Variants in C1orf87 observed in about 807,000 individuals in gnomAD.
The protein encoded by C1orf87 is chromosome 1 open reading frame 87.
A neutral mutation model predicts 60.5 loss-of-function variants in C1orf87; 58 were observed. The observed-to-expected ratio is 0.96, with a 90% CI of 0.78 to 1.19. The LOEUF (loss-of-function observed/expected upper bound fraction) is 1.19. Among genes scored for constraint, C1orf87 ranks in the 50% most tolerant of loss-of-function variants. The probability of loss-of-function intolerance (pLI) is 0.00; values close to 1 mark genes in which losing one functional copy is unlikely to be tolerated. For missense variants in C1orf87, 673 were observed against 638.6 expected, an observed-to-expected ratio of 1.05 and a Z score of -0.58; for synonymous variants, 236 against 227.4, an observed-to-expected ratio of 1.04 and a Z score of -0.34.
intron 8 of C1orf87, 27 bp from the exon 9 acceptor site, chr1:60,010,483 G>T (rs780854056): frequency 6.3e-7 from 1 of 1,595,898 alleles, no homozygotes; most frequent in Non-Finnish European, 8.6e-7. Flanking sequence ...AACATAAATT[G>T]GTGATCAATA....
intron 3 of C1orf87, among the ~76,000 whole-genome samples, chr1:60,047,732 C>A (rs199980285): frequency 2.1e-4 from 31 of 145,758 alleles, no homozygotes; most frequent in Admixed American, 4.8e-4. Context: ...ATAGCAAGTC[C>A]AAAAAAAAAA....
intron 6 of C1orf87, among the ~76,000 whole-genome samples, chr1:60,034,107 CCTGGGAGGAAA>C (rs1645258467): frequency 6.6e-6 from 1 of 152,174 alleles, no homozygotes; most frequent in Non-Finnish European, 1.5e-5. Context: ...AGCCTAGTTC[CCTGGGAGGAAA>C]TCCTGAACCA....
chr1:60,072,424 G>A (rs1645590104), intron 2 of C1orf87, 113 bp downstream of exon 2: 1 of 730,012 alleles, frequency 1.4e-6, no homozygotes, highest in Non-Finnish European at 2.2e-6. Flanking sequence ...GCATCTTAAT[G>A]ACTTCGTTTT....
intron 2 of C1orf87, among the ~76,000 whole-genome samples, chr1:60,066,976 G>A (rs1173109815): frequency 6.6e-6 from 1 of 152,064 alleles, no homozygotes; most frequent in Non-Finnish European, 1.5e-5. Flanking sequence ...ATGGTTTCCA[G>A]CTTCATCCAT....
chr1:60,070,406 T>A (rs1645576529), intron 2 of C1orf87, among the ~76,000 whole-genome samples: 1 of 152,186 alleles, frequency 6.6e-6, no homozygotes, highest in South Asian at 2.1e-4. Context: ...TATTAATGGA[T>A]TCAACTTATT....
chr1:59,995,575 T>G (rs1458027870), intron 11 of C1orf87, among the ~76,000 whole-genome samples: 1 of 152,208 alleles, frequency 6.6e-6, no homozygotes, highest in Non-Finnish European at 1.5e-5. Flanking sequence ...GACTTCAAAC[T>G]CGGGATGACC....
chr1:60,055,671 A>T lies in C1orf87; in HGVS notation c.108-233T>A, dbSNP rs537280878. Among the ~76,000 whole-genome samples the T allele has an allele frequency of 1.1e-3, 173 of 152,298 alleles. 5 individuals are homozygous for T. The South Asian group carries it at 0.035, about 31-fold the overall frequency. On this transcript the variant is annotated intron_variant, in intron 2 of 11. Transcript: ENST00000371201. ...TTTCCTTACCCTCTTCCTCATACTC[A>T]TAATCTATCCATCTGCTCCCAAACC...
At chr1:60,009,812 C>T (rs1401980450) in intron 9 of C1orf87, among the ~76,000 whole-genome samples, 1 of 151,954 alleles carries the variant, frequency 6.6e-6, no homozygotes, top group African/African-American at 2.4e-5. Context: ...CCCAATGCAT[C>T]GTTACAATTT....
chr1:60,025,848 G>T (rs1645195074), intron 7 of C1orf87, among the ~76,000 whole-genome samples: 1 of 152,104 alleles, frequency 6.6e-6, no homozygotes, highest in Non-Finnish European at 1.5e-5. Flanking sequence ...TAGGTAAATT[G>T]CTAAATGTTT....
chr1:60,064,847 T>A (rs1282674568), intron 2 of C1orf87, among the ~76,000 whole-genome samples: 4 of 88,934 alleles, frequency 4.5e-5, no homozygotes, highest in Non-Finnish European at 8.0e-5. Flanking sequence ...TAATTATATA[T>A]TTATATATTT....
intron 3 of C1orf87, among the ~76,000 whole-genome samples, chr1:60,044,980 A>G (rs1386731650): frequency 6.6e-6 from 1 of 152,240 alleles, no homozygotes; most frequent in African/African-American, 2.4e-5. Context: ...GGGGTGTTGG[A>G]ACTTGCAAGA....
At chr1:59,992,924 A>G (rs2100229915) in intron 11 of C1orf87, among the ~76,000 whole-genome samples, 1 of 152,246 alleles carries the variant, frequency 6.6e-6, no homozygotes, top group East Asian at 1.9e-4. Context: ...CCTTTCATTT[A>G]TGTAAACCTC....
intron 3 of C1orf87, among the ~76,000 whole-genome samples, chr1:60,051,368 A>T (rs1645413293): frequency 6.6e-6 from 1 of 152,162 alleles, no homozygotes. Context: ...GGCTAATGGG[A>T]TGTTAGTGGA....
rs140641185 is a variant in C1orf87, at chr1:60,061,439, C to G, written c.108-6001G>C. Among the ~76,000 whole-genome samples, 3 of 152,144 alleles carry G rather than the reference C, an allele frequency of 2.0e-5. No individual in the cohort carries two copies. In the East Asian group the frequency reaches 5.8e-4, roughly 29 times the overall value. ...ACAGGCCAATACTTCTATCTCTACA[C>G]CAACATTTTAAATGTCTAATGGTAT... On this transcript the variant is annotated intron_variant, in intron 2 of 11. Transcript: ENST00000371201.
intron 1 of C1orf87, among the ~76,000 whole-genome samples, chr1:60,073,145 G>A (rs1445831090): frequency 6.6e-6 from 1 of 152,186 alleles, no homozygotes; most frequent in East Asian, 1.9e-4. Flanking sequence ...GGACTTGAGG[G>A]TGAATCCAAG....
At chr1:60,054,207 A>C (rs1406715858) in intron 3 of C1orf87, among the ~76,000 whole-genome samples, 1 of 152,230 alleles carries the variant, frequency 6.6e-6, no homozygotes, top group Non-Finnish European at 1.5e-5. Context: ...CTTGAGTGAC[A>C]GCTCAATCTG....
At chr1:60,004,025 A>C (rs1015074211) in intron 9 of C1orf87, among the ~76,000 whole-genome samples, 1 of 152,204 alleles carries the variant, frequency 6.6e-6, no homozygotes, top group Middle Eastern at 3.4e-3. Flanking sequence ...ACCCATCCTC[A>C]ACTAGTAGCA....
At chr1:59,997,099 G>GTA (rs1644968429) in intron 11 of C1orf87, among the ~76,000 whole-genome samples, 1 of 152,090 alleles carries the variant, frequency 6.6e-6, no homozygotes, top group Non-Finnish European at 1.5e-5. Context: ...GGGGGTTGGG[G>GTA]TAAGTAGAGA....
chr1:60,040,102 G>T lies in C1orf87; in HGVS notation c.562C>A (p.Arg188Ser), dbSNP rs147468489. The T allele has an allele frequency of 3.7e-6, 6 of 1,614,212 alleles. No individual in the cohort carries two copies. The South Asian group carries it at 6.6e-5, about 18-fold the overall frequency. ...TCTAATAAGTTGGAACTCAAAGGAC[G>T]TGACTTGAGTTCTCTTCTGACCAGG... ...LALVRRELKS[R>S]PLSSNLLEKL... is the part of the protein sequence containing the mutation. The change falls in exon 5 of 12, where the codon CGT becomes AGT. Residue 188 changes from arginine (R) to serine (S), a missense_variant. Transcript: ENST00000371201.
Sources: gnomAD v4.1 joint callset for allele counts (sites outside exome capture counted in the v4.1 genomes callset) on GRCh38, gnomAD v4.1.1 for gene constraint, MANE v1.5 for transcripts, NCBI Gene and HGNC (gene_info 2026-07-23, HGNC 2026-07-21) for gene names.